HCN1: variants seen among roughly 807,000 people sequenced by gnomAD.
HCN1 encodes potassium/sodium hyperpolarization-activated cyclic nucleotide-gated channel 1.
In HCN1, 13 loss-of-function variants were observed where a neutral mutation model predicts 78.9. The observed-to-expected ratio is 0.16, with a 90% CI of 0.11 to 0.26. The LOEUF (loss-of-function observed/expected upper bound fraction) is 0.26. Ranked by LOEUF, HCN1 falls within the 10% of genes least tolerant of loss-of-function variation. HCN1 has a pLI of 1.00. For synonymous variants in HCN1, 552 were observed against 455.5 expected (o/e 1.21, Z -2.70); for missense variants, 810 against 1,154.3 (o/e 0.70, Z 4.32).
rs1744620029 is a variant in HCN1, at chr5:45,256,600, GC to G, written c.*5320del. On this transcript the variant is annotated 3_prime_UTR_variant, in exon 8 of 8. Coordinates refer to ENST00000303230, the MANE Select transcript of HCN1 (RefSeq NM_021072.4). ...GCTGGAGTGCAGTGGAACGAACAGGGCTCACTGCAGCCTTGACCTCCTAAGT... is the reference window on the plus strand; with the variant it reads ...GCTGGAGTGCAGTGGAACGAACAGGGTCACTGCAGCCTTGACCTCCTAAGT... 1 of 152,130 alleles carries G rather than the reference GC, an allele frequency of 6.6e-6. No individual in the cohort carries two copies. The highest frequency in any genetic ancestry group is 1.5e-5 in the Non-Finnish European group (1 of 68,050). The allele number at this position is 152,130 out of a possible 1,614,324, so 9.4% of individuals were successfully genotyped here. A position where few individuals can be genotyped will look rare whatever the true frequency, so the allele number is the denominator to read the frequency against.
intron 5 of HCN1, among the ~76,000 whole-genome samples, chr5:45,326,757 A>G (rs909999324): frequency 2.0e-5 from 3 of 151,640 alleles, no homozygotes; most frequent in African/African-American, 7.2e-5. Context: ...CAGTTCTGGT[A>G]TGCATTTAAT....
intron 4 of HCN1, among the ~76,000 whole-genome samples, chr5:45,371,816 G>A (rs1474060497): frequency 7.6e-6 from 1 of 132,176 alleles, no homozygotes; most frequent in Non-Finnish European, 1.6e-5. Flanking sequence ...GTGTATATGT[G>A]CTGTTTTCTA....
At chr5:45,678,308 C>T (rs920711992) in intron 1 of HCN1, among the ~76,000 whole-genome samples, 3 of 151,838 alleles carry the variant, frequency 2.0e-5, no homozygotes, top group Admixed American at 6.6e-5. Flanking sequence ...CATCTGAAAC[C>T]GTATGCATTG....
chr5:45,348,549 C>T (rs1746802731), intron 5 of HCN1, among the ~76,000 whole-genome samples: 1 of 152,090 alleles, frequency 6.6e-6, no homozygotes, highest in African/African-American at 2.4e-5. Flanking sequence ...ACTAAATGCT[C>T]CAATTAAAAG....
intron 5 of HCN1, among the ~76,000 whole-genome samples, chr5:45,305,991 C>A (rs1410257997): frequency 6.6e-6 from 1 of 151,850 alleles, no homozygotes; most frequent in African/African-American, 2.4e-5. Flanking sequence ...GCTTGAGAGA[C>A]AAGTCTTCTG....
chr5:45,300,076 G>T (rs777656431), intron 6 of HCN1, among the ~76,000 whole-genome samples: 1 of 151,984 alleles, frequency 6.6e-6, no homozygotes, highest in Non-Finnish European at 1.5e-5. Context: ...TAAAACCTTA[G>T]TCATATTACC....
At chr5:45,508,728 A>T (rs1340692063) in intron 2 of HCN1, among the ~76,000 whole-genome samples, 1 of 152,174 alleles carries the variant, frequency 6.6e-6, no homozygotes, top group Non-Finnish European at 1.5e-5. Context: ...AAGCTTCCTA[A>T]TAAAAAAGAT....
At chr5:45,642,336 G>A (rs1191494772) in intron 2 of HCN1, 2 of 151,836 alleles carry the variant, frequency 1.3e-5, no homozygotes, top group African/African-American at 4.8e-5. Flanking sequence ...TTCAGCTTTA[G>A]TAATGATAAT....
At chr5:45,568,246 T>C (rs1257150698) in intron 2 of HCN1, among the ~76,000 whole-genome samples, 4 of 152,126 alleles carry the variant, frequency 2.6e-5, no homozygotes, top group African/African-American at 9.7e-5. Context: ...CTCAAAGTTT[T>C]ATCCTTAAAA....
chr5:45,406,913 C>A (rs1739937256), intron 3 of HCN1, among the ~76,000 whole-genome samples: 1 of 152,080 alleles, frequency 6.6e-6, no homozygotes, highest in African/African-American at 2.4e-5. Context: ...TCCTATTAGT[C>A]AAAAACTTTT....
chr5:45,689,350 A>G (rs985647040), intron 1 of HCN1, among the ~76,000 whole-genome samples: 10 of 152,106 alleles, frequency 6.6e-5, no homozygotes, highest in Non-Finnish European at 1.5e-4. Flanking sequence ...AAAGTCTATT[A>G]TGTGCATTTT....
At chr5:45,495,708 G>T (rs1742010576) in intron 2 of HCN1, among the ~76,000 whole-genome samples, 1 of 152,076 alleles carries the variant, frequency 6.6e-6, no homozygotes, top group South Asian at 2.1e-4. Flanking sequence ...TCCAGTTTTT[G>T]CCCATTCACT....
chr5:45,442,541 A>T (rs1168851097), intron 3 of HCN1, among the ~76,000 whole-genome samples: 1 of 151,002 alleles, frequency 6.6e-6, no homozygotes, highest in African/African-American at 2.4e-5. Flanking sequence ...GTGCATATGC[A>T]TATCTATTTG....
At chr5:45,479,332 C>T (rs535557403) in intron 2 of HCN1, among the ~76,000 whole-genome samples, 2 of 152,076 alleles carry the variant, frequency 1.3e-5, no homozygotes, top group East Asian at 3.9e-4. Context: ...ACTTTAGAAG[C>T]CTTATTTAGG....
chr5:45,301,065 T>G (rs1468190515), intron 6 of HCN1, among the ~76,000 whole-genome samples: 1 of 152,064 alleles, frequency 6.6e-6, no homozygotes, highest in Admixed American at 6.6e-5. Context: ...GGTTATAACC[T>G]CATGGTTATT....
chr5:45,636,105 A>G (rs1227814796), intron 2 of HCN1, among the ~76,000 whole-genome samples: 1 of 152,202 alleles, frequency 6.6e-6, no homozygotes, highest in Non-Finnish European at 1.5e-5. Context: ...TAACAATAAA[A>G]TATTCTTGGA....
intron 2 of HCN1, among the ~76,000 whole-genome samples, chr5:45,524,461 A>T: frequency 6.6e-6 from 1 of 152,092 alleles, no homozygotes; most frequent in African/African-American, 2.4e-5. Context: ...CAGTATGGCC[A>T]TTTTCATGAT....
intron 2 of HCN1, among the ~76,000 whole-genome samples, chr5:45,532,674 TCTAAA>T (rs1742884308): frequency 6.6e-6 from 1 of 152,166 alleles, no homozygotes; most frequent in Admixed American, 6.5e-5. Flanking sequence ...CTAAGGCACT[TCTAAA>T]CTGAGTATTA....
chr5:45,313,063 GCCT>G (rs758898892), intron 5 of HCN1, among the ~76,000 whole-genome samples: 27 of 152,326 alleles, frequency 1.8e-4, no homozygotes, highest in Non-Finnish European at 3.4e-4. Context: ...CAGACAGACT[GCCT>G]CCTCAAGTGG....
Sources: gnomAD v4.1 joint callset for allele counts (sites outside exome capture counted in the v4.1 genomes callset) on GRCh38, gnomAD v4.1.1 for gene constraint, MANE v1.5 for transcripts, NCBI Gene and HGNC (gene_info 2026-07-23, HGNC 2026-07-21) for gene names.